Variants in SNAPC4 observed in about 807,000 individuals in gnomAD.
SNAPC4 encodes small nuclear RNA activating complex polypeptide 4, also known as snRNA-activating protein complex subunit 4.
In SNAPC4, 127 loss-of-function variants were observed where a neutral mutation model predicts 151.3. That is an observed-to-expected ratio of 0.84 (90% confidence interval 0.73 to 0.97). The LOEUF is 0.97. Ranked by LOEUF, SNAPC4 falls within the 50% of genes least tolerant of loss-of-function variation. The probability of loss-of-function intolerance (pLI) is 0.00; values close to 1 mark genes in which losing one functional copy is unlikely to be tolerated. For missense variants in SNAPC4, 2,186 were observed against 1,935.0 expected (o/e 1.13, Z -2.43); for synonymous variants, 1,002 against 824.4 (o/e 1.22, Z -3.69).
At position 136,379,146 on chromosome 9, in the gene SNAPC4, G is replaced by C. The variant is rs370299233; in HGVS notation, c.2681C>G (p.Ser894Trp). The change falls in exon 22 of 24, where the codon TCG (serine) becomes TGG (tryptophan). Residue 894 changes from serine (S) to tryptophan (W), a missense_variant. Coordinates refer to ENST00000684778, the MANE Select transcript of SNAPC4 (RefSeq NM_003086.4). ...TGPRPKPKTV[S>W]ELLQEKRLQE... ...AAGCCGCTTCTCCTGAAGCAGCTCC[G>C]ACACAGTCTTGGGCTTGGGCCGGGG... 1.3e-6 allele frequency: 2 copies of C among 1,579,432 alleles called. No homozygotes were observed. Among genetic ancestry groups the C allele is most frequent in the East Asian group, 4.6e-5 (2 of 43,820 alleles).
At chr9:136,382,182 GGGAGA>G (rs1833721576) in intron 17 of SNAPC4, 66 bp downstream of exon 17, 2 of 1,596,086 alleles carry the variant, frequency 1.3e-6, no homozygotes, top group Non-Finnish European at 1.7e-6. Flanking sequence ...ATGATCGACG[GGGAGA>G]GGAATCACTC....
intron 10 of SNAPC4, 144 bp downstream of exon 10, chr9:136,391,798 A>C: frequency 1.3e-5 from 11 of 876,310 alleles, no homozygotes; most frequent in Non-Finnish European, 1.9e-5. Context: ...CTCCTTCCCT[A>C]GGGCCACAGC....
In SNAPC4 at chr9:136,396,978, G is replaced by A. The variant is rs775575481; in HGVS notation, c.176C>T (p.Ser59Leu). The A allele has an allele frequency of 1.2e-5, 19 of 1,612,830 alleles. No individual in the cohort carries two copies. Among genetic ancestry groups the A allele is most frequent in the African/African-American group, 5.3e-5 (4 of 75,052 alleles). The change falls in exon 3 of 24, where the codon TCG becomes TTG. Residue 59 changes from serine (S) to leucine (L), a missense_variant and splice_region_variant. Transcript: ENST00000684778. Reference protein sequence around the residue: ...EDLDPADPPISEEERWGEASN... With the variant: ...EDLDPADPPILEEERWGEASN... ...CAGCCAGATCAGGCCAACAGTTACC[G>A]AGATCGGGGGATCGGCAGGATCCAA...
chr9:136,377,186 C>T (rs1833477848), intron 22 of SNAPC4, among the ~76,000 whole-genome samples: 2 of 152,218 alleles, frequency 1.3e-5, no homozygotes, highest in African/African-American at 4.8e-5. Context: ...CATGGCCCAC[C>T]CTGGGAGCAC....
intron 7 of SNAPC4, 47 bp downstream of exon 7, chr9:136,394,202 C>G (rs749732794): frequency 7.0e-5 from 103 of 1,466,436 alleles, no homozygotes; most frequent in South Asian, 1.6e-4. Flanking sequence ...GGCATGAGCC[C>G]TATGCCCAGC....
intron 10 of SNAPC4, among the ~76,000 whole-genome samples, chr9:136,389,410 G>T (rs532633833): frequency 6.6e-5 from 10 of 152,288 alleles, no homozygotes; most frequent in African/African-American, 2.4e-4. Context: ...GTGGCAGAGG[G>T]CACGCAGAGC....
At chr9:136,381,463 G>A (rs989785002) in intron 18 of SNAPC4, 71 bp from the exon 19 acceptor site, 5 of 1,382,454 alleles carry the variant, frequency 3.6e-6, no homozygotes, top group Non-Finnish European at 5.1e-6. Context: ...GTGGAAAGCA[G>A]CCCCAGCTCC....
Position 136,383,404 on chromosome 9 carries a change from C to T in SNAPC4, c.1765G>A (p.Ala589Thr), listed in dbSNP as rs868159713. ...GAGGCAGCGGGGCCTCCCAGCCAGG[C>T]CCCTGCCCCTCCTCTCCATGGCTGG... ...TSQPWRGGAG[A>T]WLGGPAASLS... Residue 589 changes from alanine (A) to threonine (T), a missense_variant, in exon 16 of 24, where the codon GCC becomes ACC. Physicochemically the swap from Ala to Thr is moderately conservative, Grantham distance 58 (BLOSUM62 0). Transcript: ENST00000684778. This position sits in a 1 kb window ranked among gnomAD's most constrained non-coding sequence, Gnocchi z 4.2. The T allele has an allele frequency of 1.3e-6, 2 of 1,574,408 alleles. No individual in the cohort carries two copies. Among genetic ancestry groups the T allele is most frequent in the Admixed American group, 1.8e-5 (1 of 54,360 alleles).
chr9:136,378,273 G>C lies in SNAPC4; in HGVS notation c.3554C>G (p.Pro1185Arg). 6.2e-7 allele frequency: 1 copy of C among 1,606,448 alleles called. No homozygotes were observed. The highest frequency in any genetic ancestry group is 1.7e-4 in the Middle Eastern group (1 of 6,050). ...AGCGTGGGAGGACGTCCTGGGCTCA[G>C]GTATCTCCCTGGCCACCTGGGCCTC... The part of the protein sequence containing the change: ...PGEAQVAREI[P>R]EPRTSSHADP... The change falls in exon 22 of 24, where the codon CCT (proline) becomes CGT (arginine). Residue 1185 changes from proline to arginine, a missense_variant. Coordinates refer to ENST00000684778, the MANE Select transcript of SNAPC4 (RefSeq NM_003086.4).
intron 13 of SNAPC4, among the ~76,000 whole-genome samples, chr9:136,386,061 C>T (rs1341171203): frequency 2.0e-5 from 3 of 151,912 alleles, no homozygotes; most frequent in African/African-American, 4.8e-5. Flanking sequence ...AACTCGCTGA[C>T]GAACTGCCAT....
At position 136,379,313 on chromosome 9, in the gene SNAPC4, A is replaced by C. The variant is rs778371876; in HGVS notation, c.2528-14T>G. 6 of 1,611,962 alleles carry C rather than the reference A, an allele frequency of 3.7e-6. No individual in the cohort carries two copies. The East Asian group carries it at 1.3e-4, about 36-fold the overall frequency. ...GGAAGAGGTGGCCTGTGGGGAGGAA[A>C]GACCCACACTTGATAAGCCCCAGGC... On this transcript the variant is annotated splice_polypyrimidine_tract_variant and intron_variant, in intron 21 of 23. Transcript: ENST00000684778.
Position 136,379,240 on chromosome 9 carries a change from T to A in SNAPC4, c.2587A>T (p.Ser863Cys), listed in dbSNP as rs754438580. 4.2e-5 allele frequency: 68 copies of A among 1,612,444 alleles called. No homozygotes were observed. Among genetic ancestry groups the A allele is most frequent in the Non-Finnish European group, 4.8e-5 (57 of 1,179,924 alleles). ...EASKSASHKG[S>C]RRLASSRVER... ...ACCCGGCTGGACGCCAGTCTTCGGC[T>A]CCCTTTGTGGCTGGCACTCTTTGAG... Residue 863 changes from serine (S) to cysteine (C), a missense_variant, in exon 22 of 24, where the codon AGC becomes TGC. Coordinates refer to ENST00000684778, the MANE Select transcript of SNAPC4 (RefSeq NM_003086.4).
chr9:136,379,479 C>T (rs1833610242), intron 21 of SNAPC4, among the ~76,000 whole-genome samples, 180 bp from the exon 22 acceptor site: 1 of 152,202 alleles, frequency 6.6e-6, no homozygotes, highest in Admixed American at 6.5e-5. Context: ...GATGGCAATG[C>T]TCCGGCCAAA....
In SNAPC4 at chr9:136,379,333, C is replaced by G. The variant is rs746057540; in HGVS notation, c.2528-34G>C. On this transcript the variant is annotated intron_variant, in intron 21 of 23. Coordinates refer to ENST00000684778, the MANE Select transcript of SNAPC4 (RefSeq NM_003086.4). ...AGGAAAGACCCACACTTGATAAGCCCCAGGCATCTGGCCCAGGGACAGCCC... is the reference window on the plus strand; with the variant it reads ...AGGAAAGACCCACACTTGATAAGCCGCAGGCATCTGGCCCAGGGACAGCCC... 4 of 1,610,644 alleles carry G rather than the reference C, an allele frequency of 2.5e-6. No homozygotes were observed. In the African/African-American group the frequency reaches 5.3e-5, roughly 22 times the overall value.
chr9:136,388,713 C>T (rs752077789), intron 10 of SNAPC4, 122 bp from the exon 11 acceptor site: 1 of 1,113,318 alleles, frequency 9.0e-7, no homozygotes, highest in East Asian at 2.4e-5. Context: ...TCTGCAGACC[C>T]CAGCTCTCCT....
intron 20 of SNAPC4, among the ~76,000 whole-genome samples, 170 bp from the exon 21 acceptor site, chr9:136,380,034 G>C (rs1236746050): frequency 6.6e-6 from 1 of 152,206 alleles, no homozygotes; most frequent in African/African-American, 2.4e-5. Flanking sequence ...CACAGAAGGA[G>C]CCAAGCATGT....
chr9:136,395,858 T>G, intron 3 of SNAPC4, 88 bp from the exon 4 acceptor site: 4 of 1,335,348 alleles, frequency 3.0e-6, no homozygotes, highest in Non-Finnish European at 4.1e-6. Flanking sequence ...GCTGGGCCTC[T>G]GGGACACCGA....
At chr9:136,390,736 AAAG>A (rs1834041811) in intron 10 of SNAPC4, among the ~76,000 whole-genome samples, 1 of 152,012 alleles carries the variant, frequency 6.6e-6, no homozygotes, top group Non-Finnish European at 1.5e-5. Flanking sequence ...GAAAAACAAA[AAAG>A]AAAAAAAGAA....
intron 7 of SNAPC4, 34 bp from the exon 8 acceptor site, chr9:136,392,811 C>A (rs1564393061): frequency 1.3e-6 from 2 of 1,581,674 alleles, no homozygotes; most frequent in Middle Eastern, 1.7e-4. Context: ...AGGGCTGGGG[C>A]ACGAGGGCTG....
Sources: gnomAD v4.1 joint callset for allele counts (sites outside exome capture counted in the v4.1 genomes callset) on GRCh38, gnomAD v4.1.1 for gene constraint, Gnocchi (gnomAD v3.1) non-coding constraint, MANE v1.5 for transcripts, NCBI Gene and HGNC (gene_info 2026-07-23, HGNC 2026-07-21) for gene names.